MYO5A: variants seen among roughly 807,000 people sequenced by gnomAD.
The protein encoded by MYO5A is unconventional myosin-Va.
Under a neutral mutation model 249.7 loss-of-function variants are expected in MYO5A, and 98 were observed. The observed-to-expected ratio is 0.39, with a 90% CI of 0.33 to 0.46. The LOEUF is 0.46. MYO5A is among the 20% of genes least tolerant of loss of function. MYO5A has a pLI of 0.98. For synonymous variants in MYO5A, 778 were observed against 810.6 expected (o/e 0.96, Z 0.68); for missense variants, 1,696 against 2,308.8 (o/e 0.73, Z 5.44).
intron 1 of MYO5A, among the ~76,000 whole-genome samples, chr15:52,460,433 T>C (rs1595724959): frequency 1.3e-5 from 2 of 152,286 alleles, no homozygotes; most frequent in African/African-American, 4.8e-5. Context: ...CCACTCGCCG[T>C]CAGGAGCTGG....
At chr15:52,393,400 CT>C (rs553719196) in intron 11 of MYO5A, among the ~76,000 whole-genome samples, 41 of 141,384 alleles carry the variant, frequency 2.9e-4, no homozygotes, top group Admixed American at 4.2e-4. Flanking sequence ...TTTTTCTTTT[CT>C]TTTTTTTTTT....
At chr15:52,377,330 G>A (rs1329910313) in intron 18 of MYO5A, among the ~76,000 whole-genome samples, 2 of 151,884 alleles carry the variant, frequency 1.3e-5, no homozygotes, top group Non-Finnish European at 2.9e-5. Flanking sequence ...GCTGAGGCAG[G>A]GGAATTGCTT....
At chr15:52,470,401 C>T (rs1233674484) in intron 1 of MYO5A, among the ~76,000 whole-genome samples, 4 of 152,172 alleles carry the variant, frequency 2.6e-5, no homozygotes, top group African/African-American at 9.7e-5. Context: ...CCTGTAAAAC[C>T]AGCACGTTGG....
At chr15:52,422,150 A>T (rs1361734263) in intron 4 of MYO5A, among the ~76,000 whole-genome samples, 1 of 152,232 alleles carries the variant, frequency 6.6e-6, no homozygotes, top group Non-Finnish European at 1.5e-5. Flanking sequence ...TGGTAAGTCA[A>T]CAAGGACAAT....
chr15:52,489,808 T>G (rs1029614528), intron 1 of MYO5A, among the ~76,000 whole-genome samples: 2 of 152,150 alleles, frequency 1.3e-5, no homozygotes, highest in Non-Finnish European at 2.9e-5. Context: ...CTAGGCAACA[T>G]AGTGAGACCT....
intron 25 of MYO5A, 63 bp downstream of exon 25, chr15:52,359,905 A>G (rs949342241): frequency 2.2e-5 from 26 of 1,175,230 alleles, no homozygotes; most frequent in Non-Finnish European, 3.0e-5. Context: ...TGCAATGGAA[A>G]TGTTCCTTGT....
At chr15:52,480,066 C>T (rs188319115) in intron 1 of MYO5A, among the ~76,000 whole-genome samples, 2 of 152,296 alleles carry the variant, frequency 1.3e-5, no homozygotes, top group East Asian at 3.9e-4. Context: ...AACCCTACAT[C>T]CCCACCTAGC....
intron 1 of MYO5A, among the ~76,000 whole-genome samples, chr15:52,474,486 T>C (rs2076547289): frequency 6.6e-6 from 1 of 152,170 alleles, no homozygotes; most frequent in African/African-American, 2.4e-5. Flanking sequence ...AGGGAATGCT[T>C]CCAGTTTTTG....
chr15:52,401,524 G>A (rs1174760723), intron 9 of MYO5A, among the ~76,000 whole-genome samples: 2 of 152,264 alleles, frequency 1.3e-5, no homozygotes, highest in East Asian at 1.9e-4. Flanking sequence ...GCTGCAGCTG[G>A]GAAGTGAGCT....
At chr15:52,354,719 T>G (rs538021036) in intron 25 of MYO5A, among the ~76,000 whole-genome samples, 1 of 152,222 alleles carries the variant, frequency 6.6e-6, no homozygotes, top group South Asian at 2.1e-4. Flanking sequence ...CCGGGCCTGG[T>G]GGCACACATC....
chr15:52,470,083 C>A (rs1248187807), intron 1 of MYO5A, among the ~76,000 whole-genome samples: 1 of 152,212 alleles, frequency 6.6e-6, no homozygotes, highest in African/African-American at 2.4e-5. Flanking sequence ...GCTTTCACAG[C>A]GTTTTCTATA....
intron 2 of MYO5A, among the ~76,000 whole-genome samples, chr15:52,429,169 T>C (rs1267377240): frequency 6.6e-6 from 1 of 152,188 alleles, no homozygotes; most frequent in Non-Finnish European, 1.5e-5. Context: ...TGCACATATG[T>C]GTACTTTTTT....
intron 3 of MYO5A, among the ~76,000 whole-genome samples, chr15:52,428,030 T>C (rs1227701938): frequency 6.6e-6 from 1 of 152,178 alleles, no homozygotes; most frequent in East Asian, 1.9e-4. Context: ...GACCACAAGA[T>C]AACACTAAAT....
At chr15:52,385,628 A>G (rs1426808758) in intron 14 of MYO5A, among the ~76,000 whole-genome samples, 5 of 147,956 alleles carry the variant, frequency 3.4e-5, no homozygotes, top group African/African-American at 1.2e-4. Context: ...GGAAAAAAAA[A>G]GACAAAACAC....
At chr15:52,473,569 G>A (rs141993561) in intron 1 of MYO5A, among the ~76,000 whole-genome samples, 22,555 of 152,120 alleles carry the variant, frequency 0.15, 1,811 homozygotes, top group Middle Eastern at 0.22. Context: ...ATTAATTTTC[G>A]TATAAGGTGT....
At chr15:52,341,007 GA>G (rs1285337433) in intron 31 of MYO5A, among the ~76,000 whole-genome samples, 1 of 149,630 alleles carries the variant, frequency 6.7e-6, no homozygotes, top group Non-Finnish European at 1.5e-5. Flanking sequence ...AAAATCAATT[GA>G]AAAAAACAGC....
Position 52,405,194 on chromosome 15 carries a change from TAGAG to T in MYO5A, c.1053+89_1053+92del, listed in dbSNP as rs1009853277. 4 of 884,760 alleles carry T rather than the reference TAGAG, an allele frequency of 4.5e-6. No individual in the cohort carries two copies. The African/African-American group carries it at 5.0e-5, about 11-fold the overall frequency. 54.8% of individuals were successfully genotyped at this position (884,760 alleles called of 1,614,324 possible). A position where few individuals can be genotyped will look rare whatever the true frequency, so the allele number is the denominator to read the frequency against. ...ATAATTATGTTTCTGATAATATTGA[TAGAG>T]AGACTTAAACTATATTGCTTCTTTA... On this transcript the variant is annotated intron_variant, in intron 9 of 41. Transcript: ENST00000399233.
chr15:52,342,278 G>A (rs1023128256), intron 31 of MYO5A, among the ~76,000 whole-genome samples: 3 of 152,244 alleles, frequency 2.0e-5, no homozygotes, highest in Non-Finnish European at 2.9e-5. Context: ...AGGATCGTTT[G>A]AGCCCAGGAG....
intron 5 of MYO5A, among the ~76,000 whole-genome samples, chr15:52,411,172 T>C (rs1259535750): frequency 6.6e-6 from 1 of 152,220 alleles, no homozygotes; most frequent in Non-Finnish European, 1.5e-5. Flanking sequence ...CCAAAAAACT[T>C]CACCTGCTTT....
Sources: allele counts gnomAD v4.1 joint callset (sites outside exome capture counted in the v4.1 genomes callset), GRCh38; gene constraint gnomAD v4.1.1; transcripts MANE v1.5; gene names NCBI Gene and HGNC (gene_info 2026-07-23, HGNC 2026-07-21).